TMEM87B: variants seen among roughly 807,000 people sequenced by gnomAD.
TMEM87B encodes the protein transmembrane protein 87B.
Under a neutral mutation model 80.3 loss-of-function variants are expected in TMEM87B, and 83 were observed. That is an observed-to-expected ratio of 1.03 (90% CI 0.87 to 1.24). TMEM87B has a LOEUF of 1.24. Among genes scored for constraint, TMEM87B ranks in the 50% most tolerant of loss-of-function variants. The pLI is 0.00. For synonymous variants in TMEM87B, 219 were observed against 230.5 expected (o/e 0.95, Z 0.45); for missense variants, 625 against 674.4 (o/e 0.93, Z 0.81).
intron 1 of TMEM87B, among the ~76,000 whole-genome samples, chr2:112,059,341 G>A (rs536066623): frequency 6.6e-6 from 1 of 151,986 alleles, no homozygotes; most frequent in East Asian, 1.9e-4. Flanking sequence ...ATGGGCCACA[G>A]TGGAAGAATT....
chr2:112,082,657 GGTGTGT>G lies in TMEM87B; in HGVS notation c.838+1153_838+1158del, dbSNP rs141242420. On this transcript the variant is annotated intron_variant, in intron 8 of 18. Transcript: ENST00000283206. ...CACTACTCTGTAAGAAGTTTTTTAT[GGTGTGT>G]GTGTGTGTGTGTGCGTGTGCGTGTG... Among the ~76,000 whole-genome samples, 453 of 150,036 alleles carry G rather than the reference GGTGTGT, an allele frequency of 3.0e-3. 5 individuals are homozygous for G. Among genetic ancestry groups the G allele is most frequent in the Admixed American group, 9.6e-3 (144 of 15,016 alleles).
At chr2:112,101,138 CATTTTATTA>C (rs1434495118) in intron 15 of TMEM87B, among the ~76,000 whole-genome samples, 1 of 152,094 alleles carries the variant, frequency 6.6e-6, no homozygotes, top group Non-Finnish European at 1.5e-5. Context: ...AGCATTTTAT[CATTTTATTA>C]ATTTTATTGT....
At chr2:112,099,615 C>T (rs926999278) in intron 14 of TMEM87B, among the ~76,000 whole-genome samples, 1 of 148,820 alleles carries the variant, frequency 6.7e-6, no homozygotes, top group Admixed American at 6.7e-5. Context: ...TAAGGTCACG[C>T]CTATAATCCT....
At chr2:112,065,060 G>A (rs1272711594) in intron 3 of TMEM87B, among the ~76,000 whole-genome samples, 1 of 152,074 alleles carries the variant, frequency 6.6e-6, no homozygotes, top group African/African-American at 2.4e-5. Context: ...CTGGACTCAA[G>A]TGACCCTCCT....
chr2:112,107,672 A>C, intron 16 of TMEM87B, 116 bp from the exon 17 acceptor site: 1 of 490,386 alleles, frequency 2.0e-6, no homozygotes, highest in East Asian at 3.4e-5. Context: ...CATATGTAGA[A>C]ACTAAAAGAA....
chr2:112,068,084 C>T (rs189086861), intron 4 of TMEM87B, among the ~76,000 whole-genome samples: 26 of 152,116 alleles, frequency 1.7e-4, no homozygotes, highest in African/African-American at 4.8e-4. Flanking sequence ...TGTGGTGGTA[C>T]GCACCTGTAA....
chr2:112,094,451 G>A (rs1156716855), intron 11 of TMEM87B, among the ~76,000 whole-genome samples: 2 of 151,872 alleles, frequency 1.3e-5, no homozygotes, highest in Non-Finnish European at 2.9e-5. Context: ...GTGAGCCACC[G>A]TGCCCTGCCG....
intron 18 of TMEM87B, among the ~76,000 whole-genome samples, chr2:112,115,866 C>T (rs1031547109): frequency 6.6e-6 from 1 of 152,144 alleles, no homozygotes; most frequent in Non-Finnish European, 1.5e-5. Flanking sequence ...GAACTCCTAG[C>T]GTCAAGCAGC....
At position 112,081,120 on chromosome 2, in the gene TMEM87B, T is replaced by A. The variant is rs1305878107; in HGVS notation, c.654+2T>A. 4 of 1,612,106 alleles carry A rather than the reference T, an allele frequency of 2.5e-6. No individual in the cohort carries two copies. In the East Asian group the frequency reaches 8.9e-5, roughly 36 times the overall value. ...GCATCAGATTGGCCCCTAATGATTG[T>A]GAGTATTTCTCATCATTTTTTCCTT... On this transcript the variant is annotated splice_donor_variant, in intron 7 of 18. Coordinates refer to ENST00000283206, the MANE Select transcript of TMEM87B (RefSeq NM_032824.3). LOFTEE classifies it high-confidence loss of function.
intron 8 of TMEM87B, among the ~76,000 whole-genome samples, chr2:112,084,035 T>C (rs1017225494): frequency 6.6e-6 from 1 of 152,140 alleles, no homozygotes; most frequent in Non-Finnish European, 1.5e-5. Context: ...TTAAAAAGAA[T>C]TTAAAAATTG....
chr2:112,116,380 A>G lies in TMEM87B; in HGVS notation c.*237A>G, dbSNP rs575956801. The G allele has an allele frequency of 2.5e-5, 11 of 447,688 alleles. No individual in the cohort carries two copies. The Admixed American group carries it at 3.8e-4, about 15-fold the overall frequency. The allele number at this position is 447,688 out of a possible 1,614,324, so 27.7% of individuals were successfully genotyped here. ...GAAATAACCTGAGGAAAGTATTATG[A>G]TAAAGATCTGCACAGATGCCTCTTA... On this transcript the variant is annotated 3_prime_UTR_variant, in exon 19 of 19. Transcript: ENST00000283206.
chr2:112,064,327 A>AGC, intron 3 of TMEM87B, 74 bp downstream of exon 3: 2 of 1,245,772 alleles, frequency 1.6e-6, no homozygotes, highest in Non-Finnish European at 2.3e-6. Flanking sequence ...TAGCTCATCA[A>AGC]GCGAGGAGGC....
At chr2:112,077,140 T>G (rs1180972655) in intron 5 of TMEM87B, 52 bp from the exon 6 acceptor site, 1 of 931,320 alleles carries the variant, frequency 1.1e-6, no homozygotes, top group African/African-American at 1.7e-5. Flanking sequence ...TCAGCTATAT[T>G]ACATAGCAAT....
chr2:112,105,851 C>A, intron 15 of TMEM87B, 151 bp from the exon 16 acceptor site: 3 of 491,016 alleles, frequency 6.1e-6, no homozygotes, highest in South Asian at 5.2e-5. Context: ...CCTACATTCC[C>A]AAATGGTAAA....
intron 17 of TMEM87B, 81 bp downstream of exon 17, chr2:112,107,921 C>A: frequency 2.2e-6 from 2 of 923,604 alleles, no homozygotes; most frequent in Non-Finnish European, 1.6e-6. Flanking sequence ...TTGTCATGTG[C>A]TTTTCAAACC....
intron 18 of TMEM87B, 145 bp downstream of exon 18, chr2:112,113,074 A>C (rs1679964167): frequency 1.4e-6 from 1 of 728,032 alleles, no homozygotes; most frequent in East Asian, 2.8e-5. Flanking sequence ...TTGTGGGTAA[A>C]GTTGAAAGGA....
chr2:112,081,166 C>T (rs1202595051), intron 7 of TMEM87B, 48 bp downstream of exon 7: 2 of 1,559,234 alleles, frequency 1.3e-6, no homozygotes. Context: ...GAATTTTATA[C>T]CCTAAGAGCT....
At chr2:112,067,486 C>T (rs1678471191) in intron 4 of TMEM87B, among the ~76,000 whole-genome samples, 1 of 152,102 alleles carries the variant, frequency 6.6e-6, no homozygotes, top group Non-Finnish European at 1.5e-5. Context: ...GTAGTCCCAG[C>T]TACTCGGGTG....
intron 13 of TMEM87B, among the ~76,000 whole-genome samples, chr2:112,097,712 C>CAAAAAAAAA (rs68175814): frequency 3.5e-5 from 2 of 57,244 alleles, no homozygotes; most frequent in Non-Finnish European, 6.4e-5. Context: ...GACTCCATCT[C>CAAAAAAAAA]AAAAAAAAAA....
Sources: allele counts gnomAD v4.1 joint callset (sites outside exome capture counted in the v4.1 genomes callset), GRCh38; gene constraint gnomAD v4.1.1; transcripts MANE v1.5; gene names NCBI Gene and HGNC (gene_info 2026-07-23, HGNC 2026-07-21).